COL1A1: variants seen among roughly 807,000 people sequenced by gnomAD.
COL1A1 encodes collagen alpha-1(I) chain.
COL1A1 carries 21 observed loss-of-function variants against 195.7 expected under a neutral mutation model. The ratio of observed to expected loss-of-function variants is 0.11; its 90% CI spans 0.08 to 0.15. COL1A1 has a LOEUF of 0.15. Among genes scored for constraint, COL1A1 ranks in the 10% least tolerant of loss-of-function variants. The pLI is 1.00. For missense variants in COL1A1, 1,365 were observed against 2,051.0 expected (o/e 0.67, Z 6.46); for synonymous variants, 749 against 747.3 (o/e 1.00, Z -0.04).
At position 50,190,804 on chromosome 17, in the gene COL1A1, G is replaced by A. The variant is rs376734914; in HGVS notation, c.2343+13C>T. 2 of 1,604,740 alleles carry A rather than the reference G, an allele frequency of 1.2e-6. No individual in the cohort carries two copies. The highest frequency in any genetic ancestry group is 2.2e-5 in the South Asian group (2 of 90,848). On this transcript the variant is annotated intron_variant, in intron 33 of 50. Coordinates refer to ENST00000225964, the MANE Select transcript of COL1A1 (RefSeq NM_000088.4). This position sits in a 1 kb window ranked among gnomAD's most constrained non-coding sequence, Gnocchi z 4.7. ...ATGTGTTAGGGCAGAAGGTGGGGAG[G>A]CGGCCACCTCACCTTGTCACCAGGG...
Position 50,187,008 on chromosome 17 carries a change from T to G in COL1A1, c.3531+7A>C. On this transcript the variant is annotated splice_region_variant and intron_variant, in intron 47 of 50. Transcript: ENST00000225964. Reference sequence around the variant, plus strand: ...GCCATGAGCAGAGGGGATGAGGGGCTACATACAACAGGACCAGCATCACCA... The same window carrying G: ...GCCATGAGCAGAGGGGATGAGGGGCGACATACAACAGGACCAGCATCACCA... 1 of 1,612,760 alleles carries G rather than the reference T, an allele frequency of 6.2e-7. No individual in the cohort carries two copies. Among genetic ancestry groups the G allele is most frequent in the Non-Finnish European group, 8.5e-7 (1 of 1,179,268 alleles).
At chr17:50,196,264 G>T in intron 14 of COL1A1, 50 bp downstream of exon 14, 2 of 1,611,194 alleles carry the variant, frequency 1.2e-6, no homozygotes, top group East Asian at 2.2e-5. Flanking sequence ...GAGTTCCTGG[G>T]GAGCCCCTTC....
chr17:50,198,233 T>C (rs1006744810), intron 6 of COL1A1, 28 bp from the exon 7 acceptor site: 7 of 1,613,026 alleles, frequency 4.3e-6, no homozygotes, highest in African/African-American at 1.3e-5. Flanking sequence ...AGGGGGGTCA[T>C]GGTGATCCCT....
intron 25 of COL1A1, 94 bp downstream of exon 25, chr17:50,193,849 G>T: frequency 2.7e-6 from 3 of 1,127,464 alleles, no homozygotes; most frequent in East Asian, 2.4e-5. Context: ...CCACACGGCA[G>T]GTCAGCGGCA....
rs1437497265 is a variant in COL1A1, at chr17:50,196,994, C to T, written c.804+16G>A. The T allele has an allele frequency of 1.2e-6, 2 of 1,613,970 alleles. No individual in the cohort carries two copies. The highest frequency in any genetic ancestry group is 2.2e-5 in the East Asian group (1 of 44,894). ...CTAGGGACTTGGGGAGCTTAAATGA[C>T]TCAAAGGTGACTCACTCTGTGTCCC... On this transcript the variant is annotated intron_variant, in intron 11 of 50. Transcript: ENST00000225964.
At position 50,186,789 on chromosome 17, in the gene COL1A1, T is replaced by C. The variant is rs751784955; in HGVS notation, c.3665A>G (p.Asn1222Ser). The C allele has an allele frequency of 1.2e-5, 19 of 1,613,986 alleles. No homozygotes were observed. In the African/African-American group the frequency reaches 1.7e-4, roughly 15 times the overall value. Residue 1222 changes from asparagine to serine, a missense_variant, in exon 48 of 51, where the codon AAT (asparagine) becomes AGT (serine). By Grantham distance (46) the Asn-to-Ser change is conservative (BLOSUM62 1). Coordinates refer to ENST00000225964, the MANE Select transcript of COL1A1 (RefSeq NM_000088.4). The surrounding 1 kb of genome is among the most constrained non-coding windows in gnomAD (Gnocchi z 5.3). Reference sequence around the variant, plus strand: ...CTCGAGGTCACGGTCACGAACCACATTGGCATCATCAGCCCGGTAGTAGCG... The same window carrying C: ...CTCGAGGTCACGGTCACGAACCACACTGGCATCATCAGCCCGGTAGTAGCG... ...GGRYYRADDANVVRDRDLEVD... is the reference protein window; with the variant it reads ...GGRYYRADDASVVRDRDLEVD...
Position 50,188,792 on chromosome 17 carries a change from C to G in COL1A1, c.3049G>C (p.Ala1017Pro). 1 of 1,613,864 alleles carries G rather than the reference C, an allele frequency of 6.2e-7. No individual in the cohort carries two copies. The highest frequency in any genetic ancestry group is 8.5e-7 in the Non-Finnish European group (1 of 1,179,920). ...CCAGGGGAACCTTCGGCACCAGGAG[C>G]CCCCTGCAGAGAGAGAGAGAGAGAA... ...GPPGESGREGAPGAEGSPGRD... is the reference protein window; with the variant it reads ...GPPGESGREGPPGAEGSPGRD... The change falls in exon 42 of 51, where the codon GCT becomes CCT. Residue 1017 changes from alanine (A) to proline (P), a missense_variant. Physicochemically the swap from Ala to Pro is conservative, Grantham distance 27. Transcript: ENST00000225964. The surrounding 1 kb of genome is among the most constrained non-coding windows in gnomAD (Gnocchi z 5.6).
chr17:50,188,068 G>A lies in COL1A1; in HGVS notation c.3261+28C>T, dbSNP rs1230315322. The A allele has an allele frequency of 6.2e-7, 1 of 1,613,228 alleles. No homozygotes were observed. Among genetic ancestry groups the A allele is most frequent in the Non-Finnish European group, 8.5e-7 (1 of 1,179,532 alleles). On this transcript the variant is annotated intron_variant, in intron 44 of 50. Coordinates refer to ENST00000225964, the MANE Select transcript of COL1A1 (RefSeq NM_000088.4). This position sits in a 1 kb window ranked among gnomAD's most constrained non-coding sequence, Gnocchi z 5.6. ...CTGTCTGCATCTGTAGAGTTCTAAA[G>A]GCATGGGGGACACAGCAGGGTACTT... is the stretch of plus-strand genomic sequence containing the variant.
rs1907785860 is a variant in COL1A1, at chr17:50,198,413, T to C, written c.543+20A>G. ...TACCCATTCTCTCTTCTGTCATCCATGCTCCCCCTGCTGGCTCACCATGGG... is the reference window on the plus strand; with the variant it reads ...TACCCATTCTCTCTTCTGTCATCCACGCTCCCCCTGCTGGCTCACCATGGG... On this transcript the variant is annotated intron_variant, in intron 6 of 50. Coordinates refer to ENST00000225964, the MANE Select transcript of COL1A1 (RefSeq NM_000088.4). The C allele has an allele frequency of 6.2e-7, 1 of 1,611,806 alleles. No individual in the cohort carries two copies. Among genetic ancestry groups the C allele is most frequent in the African/African-American group, 1.3e-5 (1 of 75,000 alleles).
rs749349130 is a variant in COL1A1 at position 50,190,074 on chromosome 17, G to A, written c.2486C>T (p.Pro829Leu). 2.4e-5 allele frequency: 38 copies of A among 1,613,042 alleles called. No homozygotes were observed. The highest frequency in any genetic ancestry group is 3.1e-5 in the Non-Finnish European group (37 of 1,179,742). The change falls in exon 36 of 51, where the codon CCT becomes CTT. Residue 829 changes from proline to leucine, a missense_variant. Pro to Leu is a moderately conservative substitution (Grantham distance 98). Coordinates refer to ENST00000225964, the MANE Select transcript of COL1A1 (RefSeq NM_000088.4). The surrounding 1 kb of genome is among the most constrained non-coding windows in gnomAD (Gnocchi z 4.7). Reference protein sequence around the residue: ...ADGQPGAKGEPGDAGAKGDAG... With the variant: ...ADGQPGAKGELGDAGAKGDAG... ...ATCGCCTTTAGCACCAGCATCACCA[G>A]GTTCGCCTTTAGCACCAGGTTGGCC...
rs763788602 is a variant in COL1A1, at chr17:50,193,989, C to T, written c.1721G>A (p.Arg574His). ...GAATCCCATCACACCAGCCTGACCA[C>T]GGGCACCAGGTGGGCCTGGGGGTCC... Reference protein sequence around the residue: ...RPGPPGPPGARGQAGVMGFPG... With the variant: ...RPGPPGPPGAHGQAGVMGFPG... The change falls in exon 25 of 51, where the codon CGT (arginine) becomes CAT (histidine). Residue 574 changes from arginine to histidine, a missense_variant. Coordinates refer to ENST00000225964, the MANE Select transcript of COL1A1 (RefSeq NM_000088.4). 27 of 1,614,044 alleles carry T rather than the reference C, an allele frequency of 1.7e-5. No homozygotes were observed. The highest frequency in any genetic ancestry group is 3.3e-4 in the Middle Eastern group (2 of 6,084).
chr17:50,187,890 G>T lies in COL1A1; in HGVS notation c.3355C>A (p.Pro1119Thr), dbSNP rs1174897430. The T allele has an allele frequency of 6.2e-7, 1 of 1,605,372 alleles. No homozygotes were observed. Among genetic ancestry groups the T allele is most frequent in the Non-Finnish European group, 8.5e-7 (1 of 1,174,958 alleles). ...AGCATACTTACAGGAGGGCCAGGGG[G>T]ACCCTGGAGGCCAGAGAAGCCACGG... ...GHRGFSGLQG[P>T]PGPPGSPGEQ... is the part of the protein sequence containing the mutation. The change falls in exon 45 of 51, where the codon CCC (proline) becomes ACC (threonine). Residue 1119 changes from proline to threonine, a missense_variant. By Grantham distance (38) the Pro-to-Thr change is conservative (BLOSUM62 -1). This residue lies in a region of COL1A1 where 671 missense variants were observed against 1,099.9 expected (regional missense o/e 0.61). Coordinates refer to ENST00000225964, the MANE Select transcript of COL1A1 (RefSeq NM_000088.4).
At chr17:50,192,325 C>G (rs1023426225) in intron 29 of COL1A1, 150 bp downstream of exon 29, 7 of 921,904 alleles carry the variant, frequency 7.6e-6, no homozygotes, top group Non-Finnish European at 1.2e-5. Flanking sequence ...CCCCACTTCC[C>G]TCTGTGCTGC....
chr17:50,185,506 A>C lies in COL1A1; in HGVS notation c.4391T>G (p.Leu1464Arg). The part of the protein sequence containing the change: ...FGFDVGPVCF[L>R] ...CCAGGTTGGGATGGAGGGAGTTTACAGGAAGCAGACAGGGCCAACGTCGAA... is the reference window on the plus strand; with the variant it reads ...CCAGGTTGGGATGGAGGGAGTTTACCGGAAGCAGACAGGGCCAACGTCGAA... Residue 1464 changes from leucine to arginine, a missense_variant, in exon 51 of 51, where the codon CTG becomes CGG. Coordinates refer to ENST00000225964, the MANE Select transcript of COL1A1 (RefSeq NM_000088.4). 1 of 1,613,838 alleles carries C rather than the reference A, an allele frequency of 6.2e-7. No individual in the cohort carries two copies. Among genetic ancestry groups the C allele is most frequent in the Non-Finnish European group, 8.5e-7 (1 of 1,179,984 alleles).
Position 50,197,941 on chromosome 17 carries a change from G to A in COL1A1, c.642+8C>T, listed in dbSNP as rs1003565350. ...GAAGGAGTATGAATCTGTATAGAGA[G>A]TGCTTACTGAAGCTCCAGGCTCGCC... On this transcript the variant is annotated splice_region_variant and intron_variant, in intron 8 of 50. Coordinates refer to ENST00000225964, the MANE Select transcript of COL1A1 (RefSeq NM_000088.4). 5 of 1,613,742 alleles carry A rather than the reference G, an allele frequency of 3.1e-6. No homozygotes were observed. The Admixed American group carries it at 8.3e-5, about 27-fold the overall frequency.
intron 25 of COL1A1, among the ~76,000 whole-genome samples, 157 bp from the exon 26 acceptor site, chr17:50,193,204 C>T (rs569065734): frequency 5.3e-5 from 8 of 152,294 alleles, no homozygotes; most frequent in African/African-American, 1.7e-4. Flanking sequence ...TCTTGCTGGG[C>T]CCTTTCTGAG....
At position 50,190,268 on chromosome 17, in the gene COL1A1, T is replaced by C; in HGVS notation, c.2451+59A>G. 7.5e-7 allele frequency: 1 copy of C among 1,339,686 alleles called. No homozygotes were observed. Among genetic ancestry groups the C allele is most frequent in the Non-Finnish European group, 1.1e-6 (1 of 931,868 alleles). The allele number at this position is 1,339,686 out of a possible 1,614,324, so 83.0% of individuals were successfully genotyped here. Reference sequence around the variant, plus strand: ...GGCTGACGCCTTTGTCCTCATTCCGTCCCTCGAGGTCCCAGGTCCCAGTCG... The same window carrying C: ...GGCTGACGCCTTTGTCCTCATTCCGCCCCTCGAGGTCCCAGGTCCCAGTCG... On this transcript the variant is annotated intron_variant, in intron 35 of 50. Transcript: ENST00000225964. This position sits in a 1 kb window ranked among gnomAD's most constrained non-coding sequence, Gnocchi z 4.7.
chr17:50,197,862 T>A (rs976866010), intron 8 of COL1A1, 77 bp from the exon 9 acceptor site: 29 of 1,580,868 alleles, frequency 1.8e-5, no homozygotes, highest in Non-Finnish European at 2.4e-5. Flanking sequence ...AGGGAAGAGG[T>A]AAGGAAGACC....
chr17:50,196,332 A>T lies in COL1A1; in HGVS notation c.939T>A (p.Pro313=), dbSNP rs1404720366. ...PRGLPGERGR[P]GAPGPAGARG... The stretch of plus-strand genomic sequence containing the variant: ...TACTTACAGCAGGGCCAGGGGCTCC[A>T]GGGCGACCTCTCTCACCAGGCAGGC... Residue 313 remains proline (P), a synonymous_variant, in exon 14 of 51, where the codon CCT becomes CCA. Transcript: ENST00000225964. The T allele has an allele frequency of 1.2e-6, 2 of 1,610,752 alleles. No individual in the cohort carries two copies. The highest frequency in any genetic ancestry group is 1.3e-5 in the African/African-American group (1 of 74,870).
Sources: allele counts gnomAD v4.1 joint callset (sites outside exome capture counted in the v4.1 genomes callset), GRCh38; gene constraint gnomAD v4.1.1; regional missense constraint gnomAD v4.1.1; non-coding constraint Gnocchi (gnomAD v3.1); transcripts MANE v1.5; gene names NCBI Gene and HGNC (gene_info 2026-07-23, HGNC 2026-07-21).